GHR: variants seen among roughly 807,000 people sequenced by gnomAD.
GHR encodes the protein GH receptor.
A neutral mutation model predicts 67.1 loss-of-function variants in GHR; 35 were observed. That is an observed-to-expected ratio of 0.52 (90% confidence interval 0.40 to 0.69). The LOEUF (loss-of-function observed/expected upper bound fraction) is 0.69, where lower values mean the gene tolerates loss of function less well. Among genes scored for constraint, GHR ranks in the 30% least tolerant of loss-of-function variants. The pLI is 0.00. For missense variants in GHR, 792 were observed against 764.6 expected, an observed-to-expected ratio of 1.04 and a Z score of -0.42; for synonymous variants, 272 against 269.1, an observed-to-expected ratio of 1.01 and a Z score of -0.10.
chr5:42,678,814 T>A lies in GHR; in HGVS notation c.137-10076T>A, dbSNP rs199568968. Among the ~76,000 whole-genome samples the A allele has an allele frequency of 1.2e-4, 18 of 152,052 alleles. No homozygotes were observed. In the East Asian group the frequency reaches 1.3e-3, roughly 11 times the overall value. On this transcript the variant is annotated intron_variant, in intron 3 of 9. Coordinates refer to ENST00000230882, the MANE Select transcript of GHR (RefSeq NM_000163.5). ...TCAATTTATAGGGTTGCAAGCAGCA[T>A]CATTTATAAACTGAAATCAGAATTC...
rs570456275 is a variant in GHR, at chr5:42,721,517, G to C, written c.*2093G>C. On this transcript the variant is annotated 3_prime_UTR_variant, in exon 10 of 10. Transcript: ENST00000230882. ...TGTTTGATAGATTTTCTGCTACTTT[G>C]CTGCTATGGTTTTCTCCAAGAGCTA... 2 of 152,514 alleles carry C rather than the reference G, an allele frequency of 1.3e-5. No individual in the cohort carries two copies. The highest frequency in any genetic ancestry group is 2.9e-5 in the Non-Finnish European group (2 of 68,028). The allele number at this position is 152,514 out of a possible 1,614,324, so 9.4% of individuals were successfully genotyped here.
At position 42,695,281 on chromosome 5, in the gene GHR, T is replaced by C. The variant is rs74324924; in HGVS notation, c.439+192T>C. Among the ~76,000 whole-genome samples the C allele has an allele frequency of 3.4e-3, 523 of 152,328 alleles. 4 individuals are homozygous for C. The highest frequency in any genetic ancestry group is 0.012 in the African/African-American group (508 of 41,580). On this transcript the variant is annotated intron_variant, in intron 5 of 9. Transcript: ENST00000230882. ...GGGCAGGGGGAACTTAAGTTGACTT[T>C]AACATAAAGTAGCCTGGCAGTAAAT...
chr5:42,705,442 C>T (rs372228243), intron 6 of GHR, among the ~76,000 whole-genome samples: 1 of 151,798 alleles, frequency 6.6e-6, no homozygotes, highest in Non-Finnish European at 1.5e-5. Flanking sequence ...TACATGTGCA[C>T]GTTTGTTATA....
At chr5:42,467,562 TAAG>T in intron 1 of GHR, 1 of 1,545,780 alleles carries the variant, frequency 6.5e-7, no homozygotes, top group Non-Finnish European at 8.9e-7. Context: ...AGGTTTTTTC[TAAG>T]GAGAGGTTTT....
intron 1 of GHR, among the ~76,000 whole-genome samples, chr5:42,509,999 AT>A (rs1368875120): frequency 6.6e-6 from 1 of 152,168 alleles, no homozygotes; most frequent in Non-Finnish European, 1.5e-5. Flanking sequence ...CCTAGCTGGC[AT>A]TTCCACTTGC....
intron 1 of GHR, among the ~76,000 whole-genome samples, chr5:42,492,925 G>A (rs1331965691): frequency 6.6e-6 from 1 of 152,182 alleles, no homozygotes; most frequent in East Asian, 1.9e-4. Context: ...TTAAAATGTA[G>A]ATAAGCCTAC....
intron 1 of GHR, among the ~76,000 whole-genome samples, chr5:42,457,072 C>T (rs766305123): frequency 3.9e-5 from 6 of 152,062 alleles, no homozygotes; most frequent in Non-Finnish European, 5.9e-5. Context: ...AGGTTTTGCT[C>T]GCTTCTTCCT....
intron 3 of GHR, among the ~76,000 whole-genome samples, chr5:42,667,630 T>C (rs895433988): frequency 6.6e-6 from 1 of 152,144 alleles, no homozygotes; most frequent in African/African-American, 2.4e-5. Flanking sequence ...TGAAATCCAC[T>C]GGTCCAATTA....
chr5:42,653,926 A>T (rs902560307), intron 3 of GHR, among the ~76,000 whole-genome samples: 1 of 152,142 alleles, frequency 6.6e-6, no homozygotes, highest in African/African-American at 2.4e-5. Context: ...GTTTAAAAAG[A>T]TTCCTTTTCT....
chr5:42,474,464 C>T (rs913477343), intron 1 of GHR, among the ~76,000 whole-genome samples: 3 of 152,032 alleles, frequency 2.0e-5, no homozygotes, highest in African/African-American at 4.8e-5. Context: ...GGTGAGTAGT[C>T]AGGATTGGAC....
chr5:42,595,502 C>T (rs1306198259), intron 2 of GHR, among the ~76,000 whole-genome samples: 1 of 152,192 alleles, frequency 6.6e-6, no homozygotes, highest in Non-Finnish European at 1.5e-5. Context: ...AAGATTTTCC[C>T]TGGCATTATC....
chr5:42,602,841 T>G (rs951058254), intron 2 of GHR, among the ~76,000 whole-genome samples: 1 of 152,240 alleles, frequency 6.6e-6, no homozygotes, highest in Non-Finnish European at 1.5e-5. Context: ...ATATTGTGTA[T>G]GTAGTAACAT....
chr5:42,476,658 T>G (rs1034862873), intron 1 of GHR, among the ~76,000 whole-genome samples: 4 of 152,240 alleles, frequency 2.6e-5, no homozygotes, highest in African/African-American at 7.2e-5. Flanking sequence ...CTTTATGTAA[T>G]TATAAAGCCT....
At chr5:42,683,351 G>C (rs1340132716) in intron 3 of GHR, among the ~76,000 whole-genome samples, 2 of 152,160 alleles carry the variant, frequency 1.3e-5, no homozygotes, top group African/African-American at 4.8e-5. Context: ...CTGAGTGTTG[G>C]CCAGAGGCCA....
chr5:42,644,155 G>A (rs1268660179), intron 3 of GHR, among the ~76,000 whole-genome samples: 2 of 151,900 alleles, frequency 1.3e-5, no homozygotes, highest in Middle Eastern at 3.2e-3. Context: ...GAATCAAGCT[G>A]ACAATACCTT....
intron 2 of GHR, among the ~76,000 whole-genome samples, chr5:42,584,623 A>T (rs752302258): frequency 1.1e-4 from 17 of 152,088 alleles, no homozygotes; most frequent in Non-Finnish European, 2.5e-4. Context: ...TTTATCCTTG[A>T]TTGTTAATAT....
chr5:42,701,474 G>A (rs1475662383), intron 6 of GHR, among the ~76,000 whole-genome samples: 1 of 151,488 alleles, frequency 6.6e-6, no homozygotes, highest in African/African-American at 2.4e-5. Context: ...AAATGACTGA[G>A]TTGCCAGCTG....
chr5:42,442,855 C>T lies in GHR; in HGVS notation c.-12+18900C>T, dbSNP rs1237998593. 2.6e-5 allele frequency among the ~76,000 whole-genome samples: 4 copies of T among 152,192 alleles called. No individual in the cohort carries two copies. In the East Asian group the frequency reaches 7.7e-4, roughly 29 times the overall value. On this transcript the variant is annotated intron_variant, in intron 1 of 9. Transcript: ENST00000230882. ...CTGAAATTACACATTTTCTTTTTCACAAATCAAAGTCAAATTCACGGACCT... is the reference window on the plus strand; with the variant it reads ...CTGAAATTACACATTTTCTTTTTCATAAATCAAAGTCAAATTCACGGACCT...
At chr5:42,674,261 A>G (rs1250457138) in intron 3 of GHR, among the ~76,000 whole-genome samples, 1 of 152,218 alleles carries the variant, frequency 6.6e-6, no homozygotes, top group Non-Finnish European at 1.5e-5. Flanking sequence ...TGACTGTCCA[A>G]TAGAGGCTAA....
Sources: gnomAD v4.1 joint callset for allele counts (sites outside exome capture counted in the v4.1 genomes callset) on GRCh38, gnomAD v4.1.1 for gene constraint, MANE v1.5 for transcripts, NCBI Gene and HGNC (gene_info 2026-07-23, HGNC 2026-07-21) for gene names.